FNBP1: variants seen among roughly 807,000 people sequenced by gnomAD.
The protein encoded by FNBP1 is formin binding protein 1.
A neutral mutation model predicts 90.6 loss-of-function variants in FNBP1; 26 were observed. The observed-to-expected ratio is 0.29, with a 90% confidence interval of 0.21 to 0.40. The LOEUF is 0.40. Ranked by LOEUF, FNBP1 falls within the 10% of genes least tolerant of loss-of-function variation. The pLI, the probability that FNBP1 is intolerant of heterozygous loss-of-function variation, is 1.00. For missense variants in FNBP1, 635 were observed against 768.0 expected (o/e 0.83, Z 2.05); for synonymous variants, 260 against 265.2 (o/e 0.98, Z 0.19).
chr9:129,997,631 G>C (rs1368553390), intron 1 of FNBP1, among the ~76,000 whole-genome samples: 1 of 152,154 alleles, frequency 6.6e-6, no homozygotes, highest in Non-Finnish European at 1.5e-5. Context: ...AAAGCCCTCT[G>C]CTTATCAGTA....
At chr9:129,934,446 T>A (rs1391277190) in intron 6 of FNBP1, among the ~76,000 whole-genome samples, 3 of 152,332 alleles carry the variant, frequency 2.0e-5, no homozygotes, top group South Asian at 4.1e-4. Flanking sequence ...AGATCTACGC[T>A]GCTTTTGTTG....
chr9:130,006,322 C>T (rs2131568573), intron 1 of FNBP1, among the ~76,000 whole-genome samples: 1 of 152,188 alleles, frequency 6.6e-6, no homozygotes, highest in South Asian at 2.1e-4. Context: ...TGGTGAAACC[C>T]CATCTCTACT....
chr9:129,971,509 G>A (rs1433505803), intron 4 of FNBP1, among the ~76,000 whole-genome samples: 1 of 152,094 alleles, frequency 6.6e-6, no homozygotes, highest in Non-Finnish European at 1.5e-5. Context: ...TCCTGCCTCA[G>A]CCTCCAGAGT....
intron 2 of FNBP1, among the ~76,000 whole-genome samples, chr9:129,990,425 A>G (rs2052945880): frequency 1.3e-5 from 2 of 152,136 alleles, no homozygotes; most frequent in South Asian, 2.1e-4. Flanking sequence ...CACATAGGTG[A>G]TATCTACATG....
rs547335032 is a variant in FNBP1, at chr9:129,896,991, C to G, written c.1688-995G>C. On this transcript the variant is annotated intron_variant, in intron 15 of 16. Transcript: ENST00000446176. ...GCTTCCATTCTGGTACTTTCTGCAG[C>G]CAAGATTCCACTTTTCCCACTGTCT... is the stretch of plus-strand genomic sequence containing the variant. 2.6e-5 allele frequency among the ~76,000 whole-genome samples: 4 copies of G among 152,334 alleles called. No homozygotes were observed. In the East Asian group the frequency reaches 7.7e-4, roughly 29 times the overall value.
At chr9:129,995,499 A>G (rs2053851028) in intron 1 of FNBP1, among the ~76,000 whole-genome samples, 1 of 152,208 alleles carries the variant, frequency 6.6e-6, no homozygotes, top group African/African-American at 2.4e-5. Flanking sequence ...AACCAAAATG[A>G]ACAAAAATAC....
At chr9:129,895,711 C>A in intron 16 of FNBP1, 127 bp downstream of exon 16, 2 of 1,371,234 alleles carry the variant, frequency 1.5e-6, no homozygotes, top group Non-Finnish European at 1.9e-6. Context: ...TACAGGAGAA[C>A]GTGCATTATG....
intron 6 of FNBP1, among the ~76,000 whole-genome samples, chr9:129,952,263 G>A (rs556403862): frequency 1.3e-5 from 2 of 151,998 alleles, no homozygotes; most frequent in East Asian, 3.9e-4. Context: ...ACTTTCGGAG[G>A]CTGAGGTGGG....
At chr9:130,001,040 C>T (rs145941158) in intron 1 of FNBP1, among the ~76,000 whole-genome samples, 42 of 152,186 alleles carry the variant, frequency 2.8e-4, no homozygotes, top group African/African-American at 8.9e-4. Context: ...TTTTTTAAAA[C>T]AGCTAATGGT....
intron 1 of FNBP1, among the ~76,000 whole-genome samples, chr9:130,029,667 T>G (rs1485523068): frequency 6.6e-6 from 1 of 152,140 alleles, no homozygotes; most frequent in Non-Finnish European, 1.5e-5. Flanking sequence ...CAAAACTACC[T>G]AGAAGAGCTT....
rs1313435440 is a variant in FNBP1, at chr9:129,965,705, C to CGT, written c.346-7153_346-7152insAC. On this transcript the variant is annotated intron_variant, in intron 4 of 16. Coordinates refer to ENST00000446176, the MANE Select transcript of FNBP1 (RefSeq NM_015033.3). ...TAAAACACACACACACACGCGCGCG[C>CGT]GCGCACACACACACACACATAGAAA... 1.0e-4 allele frequency among the ~76,000 whole-genome samples: 11 copies of CGT among 107,478 alleles called. No homozygotes were observed. In the South Asian group the frequency reaches 2.4e-3, roughly 23 times the overall value. The allele number at this position is 107,478 out of a possible 152,430, so 70.5% of individuals were successfully genotyped here. A position where few individuals can be genotyped will look rare whatever the true frequency, so the allele number is the denominator to read the frequency against.
chr9:129,988,438 G>A (rs2052630096), intron 2 of FNBP1, among the ~76,000 whole-genome samples: 1 of 152,106 alleles, frequency 6.6e-6, no homozygotes, highest in African/African-American at 2.4e-5. Context: ...CAGCACTTTG[G>A]GAGGCCGAGG....
intron 6 of FNBP1, among the ~76,000 whole-genome samples, chr9:129,940,771 C>T (rs1025585505): frequency 1.6e-4 from 25 of 151,912 alleles, no homozygotes; most frequent in South Asian, 6.2e-4. Context: ...GGACTACAGG[C>T]GCACACCACC....
chr9:130,010,236 A>C (rs62585560), intron 1 of FNBP1, among the ~76,000 whole-genome samples: 5,610 of 152,202 alleles, frequency 0.037, 173 homozygotes, highest in Middle Eastern at 0.11. Context: ...CTTGGCTGAC[A>C]ATCTAGCAGC....
At chr9:129,898,678 T>C (rs2036257399) in intron 15 of FNBP1, among the ~76,000 whole-genome samples, 1 of 152,060 alleles carries the variant, frequency 6.6e-6, no homozygotes, top group Non-Finnish European at 1.5e-5. Context: ...TTAGTAGAGA[T>C]GGGGTTTCAC....
At position 129,888,272 on chromosome 9, in the gene FNBP1, C is replaced by G. The variant is rs901158109; in HGVS notation, c.*2267G>C. 2 of 232,420 alleles carry G rather than the reference C, an allele frequency of 8.6e-6. No homozygotes were observed. The highest frequency in any genetic ancestry group is 4.4e-5 in the African/African-American group (2 of 45,274). 14.4% of individuals were successfully genotyped at this position (232,420 alleles called of 1,614,324 possible). On this transcript the variant is annotated 3_prime_UTR_variant, in exon 17 of 17. Coordinates refer to ENST00000446176, the MANE Select transcript of FNBP1 (RefSeq NM_015033.3). ...ATGTGACGCACATGCATTCCCGAGG[C>G]TCTAAAATCCCATTTTAAAGAACCG...
intron 1 of FNBP1, among the ~76,000 whole-genome samples, chr9:129,999,956 C>G (rs1007484680): frequency 6.6e-6 from 1 of 152,140 alleles, no homozygotes; most frequent in Admixed American, 6.6e-5. Context: ...CACACAGATA[C>G]GTAGCTAGAA....
At chr9:129,980,157 C>T (rs1589040847) in intron 2 of FNBP1, among the ~76,000 whole-genome samples, 2 of 151,178 alleles carry the variant, frequency 1.3e-5, no homozygotes, top group African/African-American at 4.9e-5. Context: ...GTTGGAAGTT[C>T]GAGACTGGCC....
chr9:130,038,000 T>C (rs2059475848), intron 1 of FNBP1, among the ~76,000 whole-genome samples: 1 of 152,146 alleles, frequency 6.6e-6, no homozygotes, highest in South Asian at 2.1e-4. Context: ...GGTCAACATA[T>C]TCAACAGATG....
Sources: allele counts gnomAD v4.1 joint callset (sites outside exome capture counted in the v4.1 genomes callset), GRCh38; gene constraint gnomAD v4.1.1; transcripts MANE v1.5; gene names NCBI Gene and HGNC (gene_info 2026-07-23, HGNC 2026-07-21).